Variants in NELFB observed in about 807,000 individuals in gnomAD.
The protein encoded by NELFB is negative elongation factor B.
NELFB carries 34 observed loss-of-function variants against 60.2 expected under a neutral mutation model. The ratio of observed to expected loss-of-function variants is 0.56; its 90% CI spans 0.43 to 0.75. The LOEUF is 0.75. Ranked by LOEUF, NELFB falls within the 30% of genes least tolerant of loss-of-function variation. The probability of loss-of-function intolerance (pLI) is 0.00; values close to 1 mark genes in which losing one functional copy is unlikely to be tolerated. For missense variants in NELFB, 770 were observed against 831.6 expected, an observed-to-expected ratio of 0.93 and a Z score of 0.91; for synonymous variants, 459 against 382.1, an observed-to-expected ratio of 1.20 and a Z score of -2.35.
chr9:137,256,742 C>G (rs1352097129), intron 3 of NELFB, 82 bp from the exon 4 acceptor site: 1 of 1,342,386 alleles, frequency 7.4e-7, no homozygotes, highest in Non-Finnish European at 1.0e-6. Flanking sequence ...GTGGTCTCTG[C>G]GGGGCTGAGG....
rs1381905036 is a variant in NELFB, at chr9:137,255,605, G to T, written c.240G>T (p.Gln80His). Residue 80 changes from glutamine to histidine, a missense_variant, in exon 1 of 13, where the codon CAG becomes CAT. Physicochemically the swap from Gln to His is conservative, Grantham distance 24. Transcript: ENST00000343053. ...CGGAGCCGCTCAAGGCCATCGAGCA[G>T]TTCCAGGTGGGGCGGCCCCCGGGGC... The T allele has an allele frequency of 1.3e-6, 2 of 1,547,364 alleles. No homozygotes were observed. The highest frequency in any genetic ancestry group is 1.4e-5 in the African/African-American group (1 of 73,040).
intron 4 of NELFB, 74 bp from the exon 5 acceptor site, chr9:137,262,963 T>G (rs1409400682): frequency 3.9e-6 from 6 of 1,533,092 alleles, no homozygotes; most frequent in African/African-American, 1.4e-5. Context: ...GGCCGCGCTG[T>G]CGCCGGGCGT....
chr9:137,256,976 G>A lies in NELFB; in HGVS notation c.663G>A (p.Glu221=). 6.2e-7 allele frequency: 1 copy of A among 1,614,144 alleles called. No homozygotes were observed. ...TGAAGCAGTACATCCTGGAGAAGGA[G>A]AGCGCTCTCTTCAGTACAGAGCTCT... is the stretch of plus-strand genomic sequence containing the variant. The change falls in exon 4 of 13, where the codon GAG becomes GAA. Residue 221 remains glutamate, a synonymous_variant. Transcript: ENST00000343053.
At chr9:137,260,106 G>A (rs1395163491) in intron 4 of NELFB, among the ~76,000 whole-genome samples, 2 of 149,178 alleles carry the variant, frequency 1.3e-5, no homozygotes, top group Non-Finnish European at 3.0e-5. Context: ...CTGGAGTGCA[G>A]TGGTGCAATC....
chr9:137,256,190 C>A, intron 2 of NELFB, 120 bp downstream of exon 2: 2 of 1,373,476 alleles, frequency 1.5e-6, no homozygotes, highest in Admixed American at 1.8e-5. Flanking sequence ...GTGGCCTGGG[C>A]CTGTGTCTGA....
chr9:137,259,634 C>T (rs1475406055), intron 4 of NELFB, among the ~76,000 whole-genome samples: 2 of 150,814 alleles, frequency 1.3e-5, no homozygotes, highest in African/African-American at 4.9e-5. Flanking sequence ...TAGGTTGATT[C>T]TCTTTTATTT....
At chr9:137,271,325 T>C (rs1377145250) in intron 10 of NELFB, among the ~76,000 whole-genome samples, 1 of 152,244 alleles carries the variant, frequency 6.6e-6, no homozygotes, top group Non-Finnish European at 1.5e-5. Flanking sequence ...TGGGTTGTCC[T>C]CATAAAGGCC....
chr9:137,263,555 C>G (rs1830482286), intron 5 of NELFB, among the ~76,000 whole-genome samples: 1 of 149,176 alleles, frequency 6.7e-6, no homozygotes, highest in African/African-American at 2.5e-5. Context: ...GTGGGTTTGG[C>G]TTGGCCCGGG....
chr9:137,256,539 G>T (rs1837554594), intron 3 of NELFB, 111 bp downstream of exon 3: 3 of 948,378 alleles, frequency 3.2e-6, no homozygotes, highest in Non-Finnish European at 4.9e-6. Flanking sequence ...TGTGCTGCCT[G>T]CCCAAGTGCT....
At chr9:137,261,508 A>T (rs538723454) in intron 4 of NELFB, among the ~76,000 whole-genome samples, 1 of 152,006 alleles carries the variant, frequency 6.6e-6, no homozygotes, top group African/African-American at 2.4e-5. Context: ...AATACAAAAA[A>T]TTAGCCAGTC....
chr9:137,268,891 CAGAGACAGATG>C (rs766219675), intron 10 of NELFB, among the ~76,000 whole-genome samples: 10 of 152,048 alleles, frequency 6.6e-5, no homozygotes, highest in Non-Finnish European at 1.5e-4. Flanking sequence ...AGACACAGGA[CAGAGACAGATG>C]AGAGACAGAG....
In NELFB at chr9:137,263,062, T is replaced by C; in HGVS notation, c.767T>C (p.Val256Ala). The C allele has an allele frequency of 1.9e-6, 3 of 1,613,248 alleles. No homozygotes were observed. Among genetic ancestry groups the C allele is most frequent in the Non-Finnish European group, 2.5e-6 (3 of 1,179,402 alleles). Reference sequence around the variant, plus strand: ...GTGGTGCAGCGGCTGACGCGGATGGTGGGGAAGAACGTGAAGCTGTACGAC... The same window carrying C: ...GTGGTGCAGCGGCTGACGCGGATGGCGGGGAAGAACGTGAAGCTGTACGAC... The change falls in exon 5 of 13, where the codon GTG (valine) becomes GCG (alanine). Residue 256 changes from valine (V) to alanine (A), a missense_variant. By Grantham distance (64) the Val-to-Ala change is moderately conservative. Transcript: ENST00000343053.
intron 8 of NELFB, 135 bp downstream of exon 8, chr9:137,266,561 C>T: frequency 1.3e-6 from 1 of 790,448 alleles, no homozygotes; most frequent in Non-Finnish European, 2.0e-6. Flanking sequence ...GAGCTGCCCA[C>T]CTTCCTTTTG....
At chr9:137,272,749 G>T in intron 12 of NELFB, 33 bp from the exon 13 acceptor site, 2 of 1,524,144 alleles carry the variant, frequency 1.3e-6, no homozygotes, top group Non-Finnish European at 1.8e-6. Context: ...CTGCCCATGC[G>T]CCTCGCCTGC....
At chr9:137,265,419 C>T (rs1296689824) in intron 6 of NELFB, among the ~76,000 whole-genome samples, 10 of 93,588 alleles carry the variant, frequency 1.1e-4, no homozygotes, top group Non-Finnish European at 1.6e-4. Context: ...GACAGAGTCT[C>T]GCTCTCTTGC....
intron 4 of NELFB, among the ~76,000 whole-genome samples, chr9:137,257,610 C>T (rs1471544768): frequency 6.7e-6 from 1 of 149,342 alleles, no homozygotes; most frequent in Admixed American, 6.7e-5. Flanking sequence ...TCAAGCAATT[C>T]TCCTGCCTCA....
intron 4 of NELFB, among the ~76,000 whole-genome samples, chr9:137,262,569 A>G (rs1163633925): frequency 6.6e-6 from 1 of 152,258 alleles, no homozygotes; most frequent in Non-Finnish European, 1.5e-5. Flanking sequence ...TAATATTCAA[A>G]TATAATCATA....
chr9:137,268,457 G>T lies in NELFB; in HGVS notation c.1489+1111G>T, dbSNP rs183057508. Among the ~76,000 whole-genome samples, 205 of 152,288 alleles carry T rather than the reference G, an allele frequency of 1.3e-3. No homozygotes were observed. In the Middle Eastern group the frequency reaches 0.024, roughly 18 times the overall value. On this transcript the variant is annotated intron_variant, in intron 10 of 12. Coordinates refer to ENST00000343053, the MANE Select transcript of NELFB (RefSeq NM_015456.5). Reference sequence around the variant, plus strand: ...AAAAATTGGTTGGGCATGGTGGTGGGTGCCTGTAATCTCAGCTACTTGGGA... The same window carrying T: ...AAAAATTGGTTGGGCATGGTGGTGGTTGCCTGTAATCTCAGCTACTTGGGA...
chr9:137,272,245 G>A (rs747320505), intron 11 of NELFB, 23 bp downstream of exon 11: 14 of 1,612,680 alleles, frequency 8.7e-6, no homozygotes, highest in African/African-American at 2.7e-5. Flanking sequence ...GGTACCATCC[G>A]GCCCGCTCTG....
Sources: allele counts gnomAD v4.1 joint callset (sites outside exome capture counted in the v4.1 genomes callset), GRCh38; gene constraint gnomAD v4.1.1; transcripts MANE v1.5; gene names NCBI Gene and HGNC (gene_info 2026-07-23, HGNC 2026-07-21).